CDC42SE2: variants seen among roughly 807,000 people sequenced by gnomAD.
The protein encoded by CDC42SE2 is CDC42 small effector protein 2.
CDC42SE2 carries 3 observed loss-of-function variants against 11.5 expected under a neutral mutation model. The ratio of observed to expected loss-of-function variants is 0.26; its 90% CI spans 0.12 to 0.67. CDC42SE2 has a LOEUF of 0.67. Among genes scored for constraint, CDC42SE2 ranks in the 30% least tolerant of loss-of-function variants. The pLI, the probability that CDC42SE2 is intolerant of heterozygous loss-of-function variation, is 0.80. For synonymous variants in CDC42SE2, 33 were observed against 34.8 expected (o/e 0.95, Z 0.18); for missense variants, 82 against 106.8 (o/e 0.77, Z 1.02).
upstream of CDC42SE2, chr5:131,263,554 A>G (rs1253704885): frequency 6.6e-6 from 1 of 152,220 alleles, no homozygotes; most frequent in Non-Finnish European, 1.5e-5. Context: ...TGACTTTTAC[A>G]TGAAAAAGCA....
chr5:131,315,093 A>G lies in CDC42SE2; in HGVS notation c.-454-883A>G, dbSNP rs1758013694. The stretch of plus-strand genomic sequence containing the variant: ...GTGGCTTGAGCGGAATATATGGATT[A>G]TGGTGTGATTTGTTGAGATGACGAA... On this transcript the variant is annotated intron_variant, in intron 1 of 4. Coordinates refer to ENST00000505065, the MANE Select transcript of CDC42SE2 (RefSeq NM_001375635.1). Among the ~76,000 whole-genome samples the G allele has an allele frequency of 2.0e-5, 3 of 151,950 alleles. No individual in the cohort carries two copies. In the South Asian group the frequency reaches 6.2e-4, roughly 32 times the overall value.
intron 2 of CDC42SE2, among the ~76,000 whole-genome samples, chr5:131,340,210 A>G (rs911868726): frequency 5.9e-5 from 9 of 152,224 alleles, no homozygotes; most frequent in Non-Finnish European, 1.2e-4. Context: ...TTTTTGGCCA[A>G]CTGTGGTCCA....
intron 1 of CDC42SE2, among the ~76,000 whole-genome samples, chr5:131,278,638 A>G (rs1040490985): frequency 1.4e-5 from 2 of 148,008 alleles, no homozygotes; most frequent in Non-Finnish European, 3.0e-5. Flanking sequence ...GACCACTGGC[A>G]GTGGGACCAT....
rs1050649401 is a variant in CDC42SE2, at chr5:131,333,585, T to G, written c.-286+17441T>G. ...TATGGCCATTTTCATGATACTGATT[T>G]TTCCTACCCATGAGCATGGAATGTT... On this transcript the variant is annotated intron_variant, in intron 2 of 4. Coordinates refer to ENST00000505065, the MANE Select transcript of CDC42SE2 (RefSeq NM_001375635.1). Among the ~76,000 whole-genome samples, 3 of 152,120 alleles carry G rather than the reference T, an allele frequency of 2.0e-5. No individual in the cohort carries two copies. In the East Asian group the frequency reaches 5.8e-4, roughly 29 times the overall value.
At chr5:131,250,569 G>A (rs1756631592) in intron 1 of CDC42SE2, among the ~76,000 whole-genome samples, 1 of 152,206 alleles carries the variant, frequency 6.6e-6, no homozygotes, top group African/African-American at 2.4e-5. Flanking sequence ...GGACTGTGGA[G>A]CCAGGGTAGG....
rs140720186 is a variant in CDC42SE2, at chr5:131,362,408, C to T, written c.54+2861C>T. Reference sequence around the variant, plus strand: ...GCATCAGGAAACAGATGTAAAGAATCACTAATAATTTTTGTTTCTTTACAT... The same window carrying T: ...GCATCAGGAAACAGATGTAAAGAATTACTAATAATTTTTGTTTCTTTACAT... On this transcript the variant is annotated intron_variant, in intron 3 of 4. Coordinates refer to ENST00000505065, the MANE Select transcript of CDC42SE2 (RefSeq NM_001375635.1). Among the ~76,000 whole-genome samples the T allele has an allele frequency of 4.1e-3, 627 of 152,230 alleles. 4 individuals carry two copies. Among genetic ancestry groups the T allele is most frequent in the African/African-American group, 0.013 (543 of 41,534 alleles).
chr5:131,393,301 G>A lies in CDC42SE2; in HGVS notation c.*2210G>A, dbSNP rs948593808. The A allele has an allele frequency of 2.0e-5, 3 of 152,326 alleles. No individual in the cohort carries two copies. The highest frequency in any genetic ancestry group is 6.5e-5 in the Admixed American group (1 of 15,274). 9.4% of individuals were successfully genotyped at this position (152,326 alleles called of 1,614,324 possible). Reference sequence around the variant, plus strand: ...AACATTAGGTTTATGTAGGTAAAATGTGAAAGCATTTCTCCTCCACTTTTT... The same window carrying A: ...AACATTAGGTTTATGTAGGTAAAATATGAAAGCATTTCTCCTCCACTTTTT... On this transcript the variant is annotated 3_prime_UTR_variant, in exon 5 of 5. Coordinates refer to ENST00000505065, the MANE Select transcript of CDC42SE2 (RefSeq NM_001375635.1).
intron 1 of CDC42SE2, among the ~76,000 whole-genome samples, chr5:131,287,253 C>G (rs1757360401): frequency 6.6e-6 from 1 of 152,116 alleles, no homozygotes; most frequent in Non-Finnish European, 1.5e-5. Flanking sequence ...CCTTGGCCTC[C>G]CAAAGTGCTG....
the CDC42SE2 span, among the ~76,000 whole-genome samples, chr5:131,237,919 A>G: frequency 1.3e-5 from 2 of 151,938 alleles, no homozygotes; most frequent in Non-Finnish European, 2.9e-5. Context: ...ATTCTTTTCT[A>G]TTCTCAGTGT....
At chr5:131,379,242 G>C (rs1344605329) in intron 3 of CDC42SE2, among the ~76,000 whole-genome samples, 1 of 152,052 alleles carries the variant, frequency 6.6e-6, no homozygotes, top group Admixed American at 6.6e-5. Flanking sequence ...TATTCACTCT[G>C]TATCTGCTTC....
chr5:131,344,895 G>C (rs1484241161), intron 2 of CDC42SE2, among the ~76,000 whole-genome samples: 1 of 152,216 alleles, frequency 6.6e-6, no homozygotes, highest in Non-Finnish European at 1.5e-5. Flanking sequence ...ACGATCTGGA[G>C]TGGACCTCCA....
At chr5:131,295,838 G>A (rs750511083) in intron 1 of CDC42SE2, among the ~76,000 whole-genome samples, 23 of 151,886 alleles carry the variant, frequency 1.5e-4, no homozygotes, top group African/African-American at 4.6e-4. Context: ...GCCCGCCACC[G>A]TGCCCGGCTA....
At chr5:131,221,087 T>C in the CDC42SE2 span, among the ~76,000 whole-genome samples, 1 of 152,050 alleles carries the variant, frequency 6.6e-6, no homozygotes, top group East Asian at 1.9e-4. Flanking sequence ...GGTTTCACCA[T>C]GTTGACCAGG....
At chr5:131,350,555 C>T (rs1483286687) in intron 2 of CDC42SE2, among the ~76,000 whole-genome samples, 2 of 151,704 alleles carry the variant, frequency 1.3e-5, no homozygotes, top group African/African-American at 2.4e-5. Flanking sequence ...GGCTTTAACG[C>T]CCTGATATGA....
At chr5:131,211,380 C>T in the CDC42SE2 span, among the ~76,000 whole-genome samples, 7 of 151,966 alleles carry the variant, frequency 4.6e-5, no homozygotes, top group African/African-American at 1.2e-4. Flanking sequence ...GTTCCTTTTT[C>T]GCAGTGATTT....
At chr5:131,244,819 C>T (rs1756567788), upstream of CDC42SE2, among the ~76,000 whole-genome samples, 1 of 152,096 alleles carries the variant, frequency 6.6e-6, no homozygotes, top group South Asian at 2.1e-4. Flanking sequence ...GCAGATCACT[C>T]TGAAGGGGGG....
At chr5:131,363,669 G>A (rs949816965) in intron 3 of CDC42SE2, among the ~76,000 whole-genome samples, 2 of 146,310 alleles carry the variant, frequency 1.4e-5, no homozygotes, top group African/African-American at 5.1e-5. Flanking sequence ...GAGCCACCGC[G>A]CCCGGCCTTT....
intron 1 of CDC42SE2, among the ~76,000 whole-genome samples, chr5:131,297,818 T>C (rs938596755): frequency 6.6e-6 from 1 of 152,020 alleles, no homozygotes; most frequent in African/African-American, 2.4e-5. Flanking sequence ...ATTTTACCCT[T>C]TGAGAAATAA....
At chr5:131,288,574 A>G (rs969215979) in intron 1 of CDC42SE2, among the ~76,000 whole-genome samples, 16 of 152,288 alleles carry the variant, frequency 1.1e-4, no homozygotes, top group African/African-American at 3.4e-4. Context: ...ACCTCACTAC[A>G]GCCCCAAACC....
Sources: gnomAD v4.1 joint callset for allele counts (sites outside exome capture counted in the v4.1 genomes callset) on GRCh38, gnomAD v4.1.1 for gene constraint, MANE v1.5 for transcripts, NCBI Gene and HGNC (gene_info 2026-07-23, HGNC 2026-07-21) for gene names.